LPAR1: variants seen among roughly 807,000 people sequenced by gnomAD.
LPAR1 encodes the protein lysophosphatidic acid receptor 1.
LPAR1 carries 5 observed loss-of-function variants against 23.8 expected under a neutral mutation model. The ratio of observed to expected loss-of-function variants is 0.21; its 90% CI spans 0.11 to 0.44. LPAR1 has a LOEUF of 0.44. Among genes scored for constraint, LPAR1 ranks in the 20% least tolerant of loss-of-function variants. The pLI is 0.99. For missense variants in LPAR1, 311 were observed against 482.8 expected (o/e 0.64, Z 3.33); for synonymous variants, 160 against 164.7 (o/e 0.97, Z 0.22).
At chr9:111,017,470 A>G (rs537728843) in intron 2 of LPAR1, among the ~76,000 whole-genome samples, 16 of 152,350 alleles carry the variant, frequency 1.1e-4, no homozygotes, top group African/African-American at 3.8e-4. Context: ...CTCCTAAGGA[A>G]GCTCACTTTA....
intron 5 of LPAR1, among the ~76,000 whole-genome samples, chr9:110,909,726 AAAGT>A (rs1202516625): frequency 1.8e-4 from 22 of 118,976 alleles, no homozygotes; most frequent in East Asian, 5.2e-4. Flanking sequence ...TTTATTAAAT[AAAGT>A]ATTTATTTAT....
At chr9:110,931,582 A>T (rs1216640652) in intron 5 of LPAR1, among the ~76,000 whole-genome samples, 2 of 152,150 alleles carry the variant, frequency 1.3e-5, no homozygotes, top group Non-Finnish European at 2.9e-5. Context: ...TGTTTTAGAC[A>T]TGAAGTCCTT....
intron 5 of LPAR1, among the ~76,000 whole-genome samples, chr9:110,900,088 A>C (rs368104459): frequency 5.9e-5 from 9 of 152,360 alleles, no homozygotes; most frequent in African/African-American, 1.7e-4. Context: ...ACAAATTATC[A>C]CAAAACTTTG....
chr9:110,876,959 C>G (rs1298245127), intron 5 of LPAR1, among the ~76,000 whole-genome samples: 1 of 152,178 alleles, frequency 6.6e-6, no homozygotes, highest in Non-Finnish European at 1.5e-5. Context: ...GCGGTGGGCA[C>G]CACTGTGTCC....
At chr9:111,033,860 T>C (rs960686280) in intron 2 of LPAR1, among the ~76,000 whole-genome samples, 6 of 152,326 alleles carry the variant, frequency 3.9e-5, no homozygotes, top group African/African-American at 1.2e-4. Context: ...GCCTCTTCTT[T>C]TTCCTGTCTG....
At chr9:111,015,074 CGG>C (rs1340048091) in intron 2 of LPAR1, among the ~76,000 whole-genome samples, 1 of 152,070 alleles carries the variant, frequency 6.6e-6, no homozygotes, top group Non-Finnish European at 1.5e-5. Flanking sequence ...CATGAAGACA[CGG>C]GGAGGAGACC....
At position 110,948,913 on chromosome 9, in the gene LPAR1, G is replaced by GA. The variant is rs769429145; in HGVS notation, c.46-6746dup. On this transcript the variant is annotated intron_variant, in intron 4 of 5. Coordinates refer to ENST00000683809, the MANE Select transcript of LPAR1 (RefSeq NM_001351411.2). ...TCGTATTGGTAAGTGTGTAGATCAA[G>GA]AAAAAAAAAAAAAAAGATATCCCTA... 5.5e-3 allele frequency among the ~76,000 whole-genome samples: 563 copies of GA among 101,928 alleles called. 2 individuals carry two copies. Among genetic ancestry groups the GA allele is most frequent in the Admixed American group, 5.6e-3 (56 of 10,078 alleles). The allele number at this position is 101,928 out of a possible 152,430, so 66.9% of individuals were successfully genotyped here.
At chr9:110,971,542 C>T (rs917143301) in intron 4 of LPAR1, among the ~76,000 whole-genome samples, 3 of 152,160 alleles carry the variant, frequency 2.0e-5, no homozygotes, top group Non-Finnish European at 4.4e-5. Context: ...TACTGCTCTT[C>T]ACTGGACAGA....
chr9:110,965,480 T>C (rs968446892), intron 4 of LPAR1, among the ~76,000 whole-genome samples: 3 of 152,172 alleles, frequency 2.0e-5, no homozygotes, highest in African/African-American at 7.2e-5. Context: ...CGGATACTTC[T>C]CAAAAGAAGA....
At chr9:110,908,878 C>G (rs1373608950) in intron 5 of LPAR1, among the ~76,000 whole-genome samples, 1 of 152,180 alleles carries the variant, frequency 6.6e-6, no homozygotes, top group Non-Finnish European at 1.5e-5. Context: ...GTATTGAAAC[C>G]AACCCCATCG....
chr9:110,980,972 T>C (rs1194317127), intron 2 of LPAR1, among the ~76,000 whole-genome samples: 1 of 152,106 alleles, frequency 6.6e-6, no homozygotes, highest in African/African-American at 2.4e-5. Flanking sequence ...CCAAGCATCA[T>C]TTAATTTCTT....
intron 2 of LPAR1, among the ~76,000 whole-genome samples, chr9:111,005,838 A>C (rs180972930): frequency 1.2e-3 from 188 of 152,228 alleles, no homozygotes; most frequent in African/African-American, 4.4e-3. Flanking sequence ...ATGTCTCAGG[A>C]GTCTCCTTAA....
At chr9:110,917,345 A>G (rs1467460480) in intron 5 of LPAR1, among the ~76,000 whole-genome samples, 2 of 152,088 alleles carry the variant, frequency 1.3e-5, no homozygotes, top group South Asian at 2.1e-4. Flanking sequence ...GCGAAATTCC[A>G]TCTCAAAAAT....
In LPAR1 at chr9:110,956,807, CA is replaced by C. The variant is rs1564161187; in HGVS notation, c.46-14640del. On this transcript the variant is annotated intron_variant, in intron 4 of 5. Transcript: ENST00000683809. ...GAATCAGTAATAAAAAGTCTCCCAA[CA>C]AAATAAATTCCAGGACTAAATGACT... 3.3e-5 allele frequency among the ~76,000 whole-genome samples: 5 copies of C among 152,056 alleles called. No individual in the cohort carries two copies. In the South Asian group the frequency reaches 1.0e-3, roughly 31 times the overall value.
At chr9:110,997,135 G>C (rs1223972936) in intron 2 of LPAR1, among the ~76,000 whole-genome samples, 1 of 152,186 alleles carries the variant, frequency 6.6e-6, no homozygotes, top group African/African-American at 2.4e-5. Context: ...TTGTGTCTAT[G>C]AAAGGAAGGA....
At chr9:110,929,206 C>T (rs77033637) in intron 5 of LPAR1, among the ~76,000 whole-genome samples, 3,383 of 152,124 alleles carry the variant, frequency 0.022, 142 homozygotes, top group African/African-American at 0.075. Flanking sequence ...GTGCAGGAGC[C>T]CTGCCAGGGT....
At chr9:110,881,087 A>G (rs2080660775) in intron 5 of LPAR1, among the ~76,000 whole-genome samples, 1 of 152,204 alleles carries the variant, frequency 6.6e-6, no homozygotes, top group South Asian at 2.1e-4. Flanking sequence ...GATTAATTAA[A>G]AAATCTTTTT....
chr9:111,030,337 A>T (rs1449362777), intron 2 of LPAR1, among the ~76,000 whole-genome samples: 2 of 152,220 alleles, frequency 1.3e-5, no homozygotes, highest in African/African-American at 4.8e-5. Flanking sequence ...CCACAATCGT[A>T]GTCCAAGAAG....
At chr9:110,914,714 C>G (rs2092880143) in intron 5 of LPAR1, among the ~76,000 whole-genome samples, 1 of 152,124 alleles carries the variant, frequency 6.6e-6, no homozygotes, top group African/African-American at 2.4e-5. Flanking sequence ...TGGAAGATGC[C>G]TAGTACAGTA....
Sources: gnomAD v4.1 joint callset for allele counts (sites outside exome capture counted in the v4.1 genomes callset) on GRCh38, gnomAD v4.1.1 for gene constraint, MANE v1.5 for transcripts, NCBI Gene and HGNC (gene_info 2026-07-23, HGNC 2026-07-21) for gene names.